TAOK2: variants seen among roughly 807,000 people sequenced by gnomAD.
TAOK2 encodes TAO kinase 2.
In TAOK2, 42 loss-of-function variants were observed where a neutral mutation model predicts 122.5. The ratio of observed to expected loss-of-function variants is 0.34; its 90% CI spans 0.27 to 0.44. The LOEUF (loss-of-function observed/expected upper bound fraction) is 0.44, where lower values mean the gene tolerates loss of function less well. Ranked by LOEUF, TAOK2 falls within the 20% of genes least tolerant of loss-of-function variation. The pLI, the probability that TAOK2 is intolerant of heterozygous loss-of-function variation, is 1.00. For missense variants in TAOK2, 1,264 were observed against 1,644.9 expected (o/e 0.77, Z 4.01); for synonymous variants, 704 against 677.6 (o/e 1.04, Z -0.61).
intron 4 of TAOK2, 115 bp from the exon 5 acceptor site, chr16:29,978,684 G>T: frequency 8.2e-7 from 1 of 1,225,034 alleles, no homozygotes; most frequent in Non-Finnish European, 1.2e-6. Flanking sequence ...CTCCAGTTGC[G>T]CTTCCTCCCT....
chr16:29,987,262 T>G lies in TAOK2; in HGVS notation c.2990T>G (p.Val997Gly), dbSNP rs752250092. The G allele has an allele frequency of 2.6e-6, 4 of 1,529,458 alleles. No homozygotes were observed. The highest frequency in any genetic ancestry group is 8.7e-7 in the Non-Finnish European group (1 of 1,143,480). The allele number at this position is 1,529,458 out of a possible 1,614,324, so 94.7% of individuals were successfully genotyped here. A position where few individuals can be genotyped will look rare whatever the true frequency, so the allele number is the denominator to read the frequency against. ...AALLALEVGLVGLGASYLLLC... is the reference protein window; with the variant it reads ...AALLALEVGLGGLGASYLLLC... ...CTGCTGGCCCTTGAGGTGGGGCTGG[T>G]GGGTCTGGGGGCCTCCTACCTGCTC... Residue 997 changes from valine (V) to glycine (G), a missense_variant, in exon 16 of 16, where the codon GTG becomes GGG. Physicochemically the swap from Val to Gly is moderately radical, Grantham distance 109. Transcript: ENST00000308893.
At chr16:29,978,657 C>A in intron 4 of TAOK2, 142 bp from the exon 5 acceptor site, 2 of 915,394 alleles carry the variant, frequency 2.2e-6, no homozygotes, top group Non-Finnish European at 3.4e-6. Context: ...GAAACTCTCC[C>A]ACCACCCCCT....
chr16:29,983,729 A>C, intron 13 of TAOK2, 65 bp downstream of exon 13: 1 of 1,550,600 alleles, frequency 6.4e-7, no homozygotes, highest in Non-Finnish European at 8.7e-7. Flanking sequence ...TAAGTCTAGA[A>C]ATGATTTCCT....
At position 29,986,508 on chromosome 16, in the gene TAOK2, C is replaced by T. The variant is rs563881487; in HGVS notation, c.2236C>T (p.Arg746Cys). The T allele has an allele frequency of 1.3e-5, 21 of 1,609,452 alleles. No homozygotes were observed. In the East Asian group the frequency reaches 4.0e-4, roughly 31 times the overall value. The change falls in exon 16 of 16, where the codon CGT becomes TGT. Residue 746 changes from arginine (R) to cysteine (C), a missense_variant. Physicochemically the swap from Arg to Cys is radical, Grantham distance 180 (BLOSUM62 -3). Coordinates refer to ENST00000308893, the MANE Select transcript of TAOK2 (RefSeq NM_016151.4). The surrounding 1 kb of genome is among the most constrained non-coding windows in gnomAD (Gnocchi z 4.2). ...VRQQPKSLKV[R>C]AGQRPPGLPL... ...CCAGCAGCCCAAGAGCCTCAAAGTA[C>T]GTGCAGGCCAGCGCCCCCCGGGCCT...
downstream of TAOK2, chr16:29,990,440 C>A (rs2069938729): frequency 5.0e-6 from 1 of 200,596 alleles, no homozygotes; most frequent in Non-Finnish European, 9.9e-6. Flanking sequence ...TGGACATCTT[C>A]CCCTGTCAGT....
rs760268784 is a variant in TAOK2, at chr16:29,985,602, G to A, written c.1788+24G>A. On this transcript the variant is annotated intron_variant, in intron 14 of 15. Coordinates refer to ENST00000308893, the MANE Select transcript of TAOK2 (RefSeq NM_016151.4). The surrounding 1 kb of genome is among the most constrained non-coding windows in gnomAD (Gnocchi z 6.9). ...AGGTGAGCTAGGGCTGCTTGGGGGC[G>A]GAGCCGATGGCGAGCCAGGTGGGTC... 5.7e-5 allele frequency: 91 copies of A among 1,602,558 alleles called. No homozygotes were observed. Among genetic ancestry groups the A allele is most frequent in the Admixed American group, 6.7e-5 (4 of 59,580 alleles).
At position 29,987,597 on chromosome 16, in the gene TAOK2, C is replaced by A. The variant is rs759836142; in HGVS notation, c.3325C>A (p.Arg1109=). 3 of 1,612,440 alleles carry A rather than the reference C, an allele frequency of 1.9e-6. No individual in the cohort carries two copies. Among genetic ancestry groups the A allele is most frequent in the Middle Eastern group, 1.7e-4 (1 of 6,056 alleles). ...ALQGCGAVGD[R]GLFALYPKTN... is the part of the protein sequence containing the mutation. Reference sequence around the variant, plus strand: ...GCAGGGCTGTGGGGCTGTGGGGGACCGGGGTCTGTTTGCACTGTACCCCAA... The same window carrying A: ...GCAGGGCTGTGGGGCTGTGGGGGACAGGGGTCTGTTTGCACTGTACCCCAA... Residue 1109 remains arginine, a synonymous_variant, in exon 16 of 16, where the codon CGG becomes AGG. Transcript: ENST00000308893.
rs1195871664 is a variant in TAOK2 at position 29,987,190 on chromosome 16, T to TGCTTCC, written c.2919_2924dup (p.Pro975_Leu976dup). The TGCTTCC allele has an allele frequency of 1.3e-6, 2 of 1,553,740 alleles. No individual in the cohort carries two copies. The highest frequency in any genetic ancestry group is 1.7e-6 in the Non-Finnish European group (2 of 1,155,220). ...CTCCTGCCCCTCCTGCTGCTGCTGC[T>TGCTTCC]GCTTCCATTGCTGGCAGCCCAGGGT... is the stretch of plus-strand genomic sequence containing the variant. On this transcript the variant is annotated inframe_insertion, in exon 16 of 16. Coordinates refer to ENST00000308893, the MANE Select transcript of TAOK2 (RefSeq NM_016151.4).
Position 29,987,103 on chromosome 16 carries a change from C to G in TAOK2, c.2831C>G (p.Pro944Arg). The G allele has an allele frequency of 6.2e-7, 1 of 1,613,068 alleles. No individual in the cohort carries two copies. Among genetic ancestry groups the G allele is most frequent in the Non-Finnish European group, 8.5e-7 (1 of 1,179,372 alleles). The change falls in exon 16 of 16, where the codon CCT (proline) becomes CGT (arginine). Residue 944 changes from proline to arginine, a missense_variant. By Grantham distance (103) the Pro-to-Arg change is moderately radical. This residue lies in a region of TAOK2 where 824 missense variants were observed against 908.7 expected (regional missense o/e 0.91). Coordinates refer to ENST00000308893, the MANE Select transcript of TAOK2 (RefSeq NM_016151.4). ...AGGCCCTGCCCTGCCAGCCAGCTCC[C>G]TGGACTCCTGTCCCATGGCCTCCTG... Reference protein sequence around the residue: ...HLRPCPASQLPGLLSHGLLAG... With the variant: ...HLRPCPASQLRGLLSHGLLAG...
chr16:29,985,023 C>A lies in TAOK2; in HGVS notation c.1423-190C>A. The A allele has an allele frequency of 1.5e-6, 1 of 681,202 alleles. No individual in the cohort carries two copies. The highest frequency in any genetic ancestry group is 2.1e-6 in the Non-Finnish European group (1 of 465,520). The allele number at this position is 681,202 out of a possible 1,614,324, so 42.2% of individuals were successfully genotyped here. A position where few individuals can be genotyped will look rare whatever the true frequency, so the allele number is the denominator to read the frequency against. The stretch of plus-strand genomic sequence containing the variant: ...ACCTTTTATCATTCGGCCACACCAA[C>A]TTGTGATGTAGATAATATCACCATT... On this transcript the variant is annotated intron_variant, in intron 13 of 15. Transcript: ENST00000308893. This position sits in a 1 kb window ranked among gnomAD's most constrained non-coding sequence, Gnocchi z 6.9.
rs776551375 is a variant in TAOK2 at position 29,988,015 on chromosome 16, T to C, written c.*35T>C. The C allele has an allele frequency of 6.7e-6, 10 of 1,503,152 alleles. No homozygotes were observed. Among genetic ancestry groups the C allele is most frequent in the South Asian group, 1.3e-5 (1 of 75,332 alleles). 93.1% of individuals were successfully genotyped at this position (1,503,152 alleles called of 1,614,324 possible). On this transcript the variant is annotated 3_prime_UTR_variant, in exon 16 of 16. Transcript: ENST00000308893. ...GCCCTTCCAGCCCAAATCTAGAGCA[T>C]TGAGCACTTTATCTCCCACGACTCA...
chr16:29,973,900 GGAGACCGGGAC>G lies in TAOK2; in HGVS notation c.-774_-764del, dbSNP rs976323557. ...TTGGAATTGGGAGGAAGAGGGAGAG[GGAGACCGGGAC>G]GAGACCGGGGCTGTGGTGCGGAGAG... is the stretch of plus-strand genomic sequence containing the variant. On this transcript the variant is annotated 5_prime_UTR_variant, in exon 1 of 16. Coordinates refer to ENST00000308893, the MANE Select transcript of TAOK2 (RefSeq NM_016151.4). The G allele has an allele frequency of 1.3e-5, 2 of 152,542 alleles. No individual in the cohort carries two copies. The highest frequency in any genetic ancestry group is 2.9e-5 in the Non-Finnish European group (2 of 68,222). The allele number at this position is 152,542 out of a possible 1,614,324, so 9.4% of individuals were successfully genotyped here.
chr16:29,978,702 C>A, intron 4 of TAOK2, 97 bp from the exon 5 acceptor site: 1 of 1,434,860 alleles, frequency 7.0e-7, no homozygotes, highest in South Asian at 1.2e-5. Flanking sequence ...CCTGTCATCA[C>A]CCCGGGGACA....
chr16:29,985,204 C>T lies in TAOK2; in HGVS notation c.1423-9C>T, dbSNP rs776643738. On this transcript the variant is annotated splice_polypyrimidine_tract_variant and intron_variant, in intron 13 of 15. Transcript: ENST00000308893. This position sits in a 1 kb window ranked among gnomAD's most constrained non-coding sequence, Gnocchi z 6.9. ...TGAGCCCCAGCTCTCACCCTCTCTC[C>T]TTCCCCAGGTCAGCCGTCAGATCCA... 6.7e-7 allele frequency: 1 copy of T among 1,497,026 alleles called. No homozygotes were observed. Among genetic ancestry groups the T allele is most frequent in the Non-Finnish European group, 8.9e-7 (1 of 1,122,182 alleles). 92.7% of individuals were successfully genotyped at this position (1,497,026 alleles called of 1,614,324 possible).
chr16:29,991,356 A>T (rs80174893), downstream of TAOK2: 3,504 of 1,592,928 alleles, frequency 2.2e-3, 7 homozygotes, highest in Non-Finnish European at 2.5e-3. This position sits in a 1 kb window ranked among gnomAD's most constrained non-coding sequence, Gnocchi z 5.6. Flanking sequence ...AGGCCCCCCA[A>T]ACTGGCTGGG....
At chr16:29,988,537 A>G (rs2069888236), downstream of TAOK2, 1 of 1,158,306 alleles carries the variant, frequency 8.6e-7, no homozygotes, top group African/African-American at 1.6e-5. Context: ...CTCCAGCCTC[A>G]TGCTCTCTGC....
At chr16:29,988,449 C>T (rs540998713), downstream of TAOK2, 52 of 1,256,742 alleles carry the variant, frequency 4.1e-5, no homozygotes, top group African/African-American at 4.5e-4. Context: ...CTAGCCTCCC[C>T]GGTATGCCCC....
Position 29,985,466 on chromosome 16 carries a change from C to T in TAOK2, c.1676C>T (p.Ala559Val). Residue 559 changes from alanine (A) to valine (V), a missense_variant, in exon 14 of 16, where the codon GCC becomes GTC. By Grantham distance (64) the Ala-to-Val change is moderately conservative (BLOSUM62 0). Transcript: ENST00000308893. The surrounding 1 kb of genome is among the most constrained non-coding windows in gnomAD (Gnocchi z 6.9). ...IGEKEARAAQ[A>V]EERKFQQHIL... Reference sequence around the variant, plus strand: ...GAGAAGGAGGCACGAGCTGCCCAGGCCGAGGAGCGGAAGTTCCAGCAGCAC... The same window carrying T: ...GAGAAGGAGGCACGAGCTGCCCAGGTCGAGGAGCGGAAGTTCCAGCAGCAC... The T allele has an allele frequency of 6.2e-7, 1 of 1,612,462 alleles. No homozygotes were observed. The highest frequency in any genetic ancestry group is 8.5e-7 in the Non-Finnish European group (1 of 1,179,382).
chr16:29,990,925 G>C (rs371119983), downstream of TAOK2: 2 of 1,613,332 alleles, frequency 1.2e-6, no homozygotes, highest in Non-Finnish European at 1.7e-6. Flanking sequence ...GCGGGAGCTG[G>C]AGCAGAGGGT....
Sources: gnomAD v4.1 joint callset for allele counts on GRCh38, gnomAD v4.1.1 for gene constraint, gnomAD v4.1.1 regional missense constraint, Gnocchi (gnomAD v3.1) non-coding constraint, MANE v1.5 for transcripts, NCBI Gene and HGNC (gene_info 2026-07-23, HGNC 2026-07-21) for gene names.